Variants in ACSF3 observed in about 807,000 individuals in gnomAD.
ACSF3 encodes acyl-CoA synthetase family member 3.
A neutral mutation model predicts 53.2 loss-of-function variants in ACSF3; 78 were observed. The observed-to-expected ratio is 1.47, with a 90% CI of 1.22 to 1.77. The LOEUF is 1.77. Among genes scored for constraint, ACSF3 ranks in the 40% most tolerant of loss-of-function variants. The pLI, the probability that ACSF3 is intolerant of heterozygous loss-of-function variation, is 0.00. For missense variants in ACSF3, 937 were observed against 771.1 expected (o/e 1.22, Z -2.55); for synonymous variants, 414 against 333.1 (o/e 1.24, Z -2.65).
chr16:89,108,960 C>T (rs146338097), intron 4 of ACSF3, among the ~76,000 whole-genome samples: 6 of 152,186 alleles, frequency 3.9e-5, no homozygotes, highest in African/African-American at 1.2e-4. Context: ...TGGCCGGGCA[C>T]GGTGGCTCAC....
intron 7 of ACSF3, among the ~76,000 whole-genome samples, chr16:89,125,539 C>G (rs1235239370): frequency 6.6e-6 from 1 of 151,424 alleles, no homozygotes. Flanking sequence ...ACTGAAAATA[C>G]AGTTAGCCAG....
At chr16:89,112,780 G>A (rs771664156) in intron 5 of ACSF3, among the ~76,000 whole-genome samples, 1 of 152,216 alleles carries the variant, frequency 6.6e-6, no homozygotes, top group South Asian at 2.1e-4. Context: ...CAAGGGTGAG[G>A]ACAGTGAGCT....
chr16:89,099,978 CAAA>C (rs35740910), intron 2 of ACSF3, among the ~76,000 whole-genome samples: 297 of 142,294 alleles, frequency 2.1e-3, no homozygotes, highest in Middle Eastern at 7.4e-3. Context: ...TTGTCTCTAC[CAAA>C]AAAAAAAAAA....
chr16:89,155,037 C>T lies in ACSF3; in HGVS notation c.*830C>T, dbSNP rs750686064. The T allele has an allele frequency of 8.8e-6, 4 of 454,130 alleles. No homozygotes were observed. Among genetic ancestry groups the T allele is most frequent in the Non-Finnish European group, 1.8e-5 (4 of 226,800 alleles). The allele number at this position is 454,130 out of a possible 1,614,324, so 28.1% of individuals were successfully genotyped here. The stretch of plus-strand genomic sequence containing the variant: ...TGTGGCTCACCAGCTTTTCCCCAGA[C>T]CCAGCTCCGGAGCCCACAGGCGTGG... On this transcript the variant is annotated 3_prime_UTR_variant, in exon 11 of 11. Coordinates refer to ENST00000614302, the MANE Select transcript of ACSF3 (RefSeq NM_001243279.3).
At chr16:89,112,045 C>T in intron 4 of ACSF3, 47 bp from the exon 5 acceptor site, 2 of 264,168 alleles carry the variant, frequency 7.6e-6, no homozygotes, top group Non-Finnish European at 1.3e-5. Flanking sequence ...CGCCACGGGC[C>T]CCAGTGCCTG....
In ACSF3 at chr16:89,098,535, C is replaced by T. The variant is rs538740715; in HGVS notation, c.-193-56C>T. On this transcript the variant is annotated intron_variant, in intron 1 of 10. Transcript: ENST00000614302. ...CCCCATTGAGTGTTGAGTGTTGTGCCTGTGGGAAGCGTTATACACACAGCC... is the reference window on the plus strand; with the variant it reads ...CCCCATTGAGTGTTGAGTGTTGTGCTTGTGGGAAGCGTTATACACACAGCC... 5.4e-5 allele frequency: 22 copies of T among 404,060 alleles called. No homozygotes were observed. In the East Asian group the frequency reaches 1.4e-3, roughly 26 times the overall value. The allele number at this position is 404,060 out of a possible 1,614,324, so 25.0% of individuals were successfully genotyped here. A position where few individuals can be genotyped will look rare whatever the true frequency, so the allele number is the denominator to read the frequency against.
Position 89,114,114 on chromosome 16 carries a change from C to G in ACSF3, c.978-225C>G, listed in dbSNP as rs1220505172. On this transcript the variant is annotated intron_variant, in intron 5 of 10. Coordinates refer to ENST00000614302, the MANE Select transcript of ACSF3 (RefSeq NM_001243279.3). The stretch of plus-strand genomic sequence containing the variant: ...GACCTGCTTCCTTCTAAAATACACC[C>G]AACAGATCGTTTTCAAAAAACAAAG... The G allele has an allele frequency of 2.9e-5, 18 of 620,218 alleles. No individual in the cohort carries two copies. The East Asian group carries it at 5.2e-4, about 18-fold the overall frequency. 38.4% of individuals were successfully genotyped at this position (620,218 alleles called of 1,614,324 possible).
Position 89,102,730 on chromosome 16 carries a change from G to C in ACSF3, c.793G>C (p.Val265Leu), listed in dbSNP as rs1326515346. The C allele has an allele frequency of 6.2e-7, 1 of 1,612,790 alleles. No homozygotes were observed. The highest frequency in any genetic ancestry group is 8.5e-7 in the Non-Finnish European group (1 of 1,179,976). The change falls in exon 4 of 11, where the codon GTG (valine) becomes CTG (leucine). Residue 265 changes from valine to leucine, a missense_variant. Transcript: ENST00000614302. ...LCPLWVGATC[V>L]MMPEFSPQQV... ...TCCTCTCTGGGTGGGAGCCACCTGT[G>C]TGATGATGCCTGAGTTCAGCCCTCA...
At chr16:89,098,549 A>G in intron 1 of ACSF3, 42 bp from the exon 2 acceptor site, 1 of 428,436 alleles carries the variant, frequency 2.3e-6, no homozygotes, top group South Asian at 1.6e-5. Flanking sequence ...GGGAAGCGTT[A>G]TACACACAGC....
intron 6 of ACSF3, among the ~76,000 whole-genome samples, chr16:89,117,645 G>A (rs1028793978): frequency 3.3e-5 from 5 of 151,364 alleles, no homozygotes; most frequent in South Asian, 2.1e-4. Context: ...CACCAAGAGC[G>A]CCAAGGAGCA....
At chr16:89,095,179 G>GGT (rs1164035956) in intron 1 of ACSF3, 1 of 152,198 alleles carries the variant, frequency 6.6e-6, no homozygotes, top group African/African-American at 2.4e-5. Flanking sequence ...GGCTCAGGCT[G>GGT]GTGTCCTCTC....
chr16:89,137,789 C>G (rs1233484893), intron 8 of ACSF3, among the ~76,000 whole-genome samples: 1 of 152,180 alleles, frequency 6.6e-6, no homozygotes, highest in African/African-American at 2.4e-5. Flanking sequence ...CCCAGGTGGC[C>G]CCATCCCCCA....
In ACSF3 at chr16:89,114,458, G is replaced by A. The variant is rs1472458793; in HGVS notation, c.1097G>A (p.Gly366Glu). The A allele has an allele frequency of 1.2e-6, 2 of 1,613,136 alleles. No individual in the cohort carries two copies. The highest frequency in any genetic ancestry group is 1.7e-6 in the Non-Finnish European group (2 of 1,180,006). The change falls in exon 6 of 11, where the codon GGG becomes GAG. Residue 366 changes from glycine (G) to glutamate (E), a missense_variant. Gly to Glu is a moderately conservative substitution (Grantham distance 98). Coordinates refer to ENST00000614302, the MANE Select transcript of ACSF3 (RefSeq NM_001243279.3). ...ACCGAGATCGGCATGGCTCTGTCCGGGCCCCTGACCACTGCCGTGCGCCTG... is the reference window on the plus strand; with the variant it reads ...ACCGAGATCGGCATGGCTCTGTCCGAGCCCCTGACCACTGCCGTGCGCCTG... ...GMTEIGMALS[G>E]PLTTAVRLPG... is the part of the protein sequence containing the mutation.
Position 89,154,585 on chromosome 16 carries a change from A to G in ACSF3, c.*378A>G, listed in dbSNP as rs1567758723. 2.2e-6 allele frequency: 1 copy of G among 460,320 alleles called. No homozygotes were observed. The highest frequency in any genetic ancestry group is 4.3e-6 in the Non-Finnish European group (1 of 231,196). 28.5% of individuals were successfully genotyped at this position (460,320 alleles called of 1,614,324 possible). Reference sequence around the variant, plus strand: ...AAAAACAAAGACTCCACTGGAGGAAACAAGCCCCTGTCCCACGCCGTCTGC... The same window carrying G: ...AAAAACAAAGACTCCACTGGAGGAAGCAAGCCCCTGTCCCACGCCGTCTGC... On this transcript the variant is annotated 3_prime_UTR_variant, in exon 11 of 11. Coordinates refer to ENST00000614302, the MANE Select transcript of ACSF3 (RefSeq NM_001243279.3).
At chr16:89,120,044 G>A (rs1332759230) in intron 6 of ACSF3, among the ~76,000 whole-genome samples, 1 of 152,256 alleles carries the variant, frequency 6.6e-6, no homozygotes, top group Admixed American at 6.5e-5. Context: ...CATCGCCAGG[G>A]CCGCACTCCA....
intron 8 of ACSF3, among the ~76,000 whole-genome samples, chr16:89,135,941 A>G (rs1910365061): frequency 6.6e-6 from 1 of 152,116 alleles, no homozygotes. Flanking sequence ...CGCCCGGCTA[A>G]TTTTTGTATT....
At chr16:89,098,432 G>C (rs1183498851) in intron 1 of ACSF3, among the ~76,000 whole-genome samples, 159 bp from the exon 2 acceptor site, 2 of 152,330 alleles carry the variant, frequency 1.3e-5, no homozygotes, top group African/African-American at 4.8e-5. Flanking sequence ...GGTCACTGCT[G>C]CCCGTTGTCG....
chr16:89,093,987 C>T lies in ACSF3; in HGVS notation c.-203C>T, dbSNP rs1432729127. 1 of 224,736 alleles carries T rather than the reference C, an allele frequency of 4.4e-6. No individual in the cohort carries two copies. The highest frequency in any genetic ancestry group is 4.4e-5 in the Admixed American group (1 of 22,544). 13.9% of individuals were successfully genotyped at this position (224,736 alleles called of 1,614,324 possible). A position where few individuals can be genotyped will look rare whatever the true frequency, so the allele number is the denominator to read the frequency against. On this transcript the variant is annotated 5_prime_UTR_variant, in exon 1 of 11. Coordinates refer to ENST00000614302, the MANE Select transcript of ACSF3 (RefSeq NM_001243279.3). ...GCAGATCCTGCCCCGTGGCCGCGGC[C>T]GTCTCGTAGGTGCGGGCGGCGGGGC... is the stretch of plus-strand genomic sequence containing the variant.
chr16:89,135,304 G>C (rs1260245696), intron 8 of ACSF3, among the ~76,000 whole-genome samples: 1 of 152,370 alleles, frequency 6.6e-6, no homozygotes, highest in South Asian at 2.1e-4. Context: ...GGCAATGTTG[G>C]CCTGCAGCCT....
Sources: allele counts gnomAD v4.1 joint callset (sites outside exome capture counted in the v4.1 genomes callset), GRCh38; gene constraint gnomAD v4.1.1; transcripts MANE v1.5; gene names NCBI Gene and HGNC (gene_info 2026-07-23, HGNC 2026-07-21).